The following MTOR variants were observed in gnomAD, a reference collection of about 807,000 sequenced individuals.
The protein encoded by MTOR is serine/threonine-protein kinase mTOR.
A neutral mutation model predicts 319.8 loss-of-function variants in MTOR; 70 were observed. The observed-to-expected ratio is 0.22, with a 90% CI of 0.18 to 0.27. The LOEUF is 0.27. Among genes scored for constraint, MTOR ranks in the 10% least tolerant of loss-of-function variants. The pLI is 1.00. For synonymous variants in MTOR, 1,183 were observed against 1,211.4 expected (o/e 0.98, Z 0.49); for missense variants, 1,890 against 3,274.4 (o/e 0.58, Z 10.32).
Position 11,233,043 on chromosome 1 carries a change from C to T in MTOR, c.2421+355G>A, listed in dbSNP as rs143606568. On this transcript the variant is annotated intron_variant, in intron 15 of 57. Transcript: ENST00000361445. ...AAATCGTCCCATTCCCCAGTGGATT[C>T]GGATGAAAACTGGTAATAAAACCAG... 3.9e-4 allele frequency: 395 copies of T among 1,007,632 alleles called. 2 individuals carry two copies. The African/African-American group carries it at 5.5e-3, about 14-fold the overall frequency. The allele number at this position is 1,007,632 out of a possible 1,614,324, so 62.4% of individuals were successfully genotyped here.
At chr1:11,114,785 A>G (rs1570908471) in intron 52 of MTOR, 28 bp downstream of exon 52, 2 of 1,606,472 alleles carry the variant, frequency 1.2e-6, no homozygotes. Context: ...TCCCATTTGG[A>G]AGCAGCTCGT....
chr1:11,221,260 G>T (rs1232837311), intron 19 of MTOR, among the ~76,000 whole-genome samples: 2 of 152,094 alleles, frequency 1.3e-5, no homozygotes, highest in Non-Finnish European at 2.9e-5. Context: ...CTCCCAAAGT[G>T]TTGGGGTTAC....
In MTOR at chr1:11,139,609, G is replaced by A. The variant is rs772556623; in HGVS notation, c.4922C>T (p.Ser1641Phe). Reference protein sequence around the residue: ...EDWQKILMVRSLVVSPHEDMR... With the variant: ...EDWQKILMVRFLVVSPHEDMR... ...GTCTTCATGAGGGCTGACCACAAGG[G>A]ACCGCACCATAAGGATTTTCTGCCA... The change falls in exon 35 of 58, where the codon TCC (serine) becomes TTC (phenylalanine). Residue 1641 changes from serine (S) to phenylalanine (F), a missense_variant. This residue lies in a region of MTOR where 276 missense variants were observed against 459.4 expected (regional missense o/e 0.60). Transcript: ENST00000361445. 4.5e-5 allele frequency: 72 copies of A among 1,614,052 alleles called. No individual in the cohort carries two copies. The highest frequency in any genetic ancestry group is 5.6e-5 in the Non-Finnish European group (66 of 1,180,048).
chr1:11,238,567 T>C lies in MTOR; in HGVS notation c.1837A>G (p.Ser613Gly), dbSNP rs1215652363. ...VRHCADHFLN[S>G]EHKEIRMEAA... ...TCCATGCGGATCTCCTTGTGCTCAC[T>C]GTTCAGGAAATGATCCGCACAGTGG... is the stretch of plus-strand genomic sequence containing the variant. The change falls in exon 12 of 58, where the codon AGT becomes GGT. Residue 613 changes from serine (S) to glycine (G), a missense_variant. Coordinates refer to ENST00000361445, the MANE Select transcript of MTOR (RefSeq NM_004958.4). The C allele has an allele frequency of 2.5e-6, 4 of 1,614,202 alleles. No homozygotes were observed. Among genetic ancestry groups the C allele is most frequent in the Non-Finnish European group, 3.4e-6 (4 of 1,180,026 alleles).
chr1:11,149,134 C>T (rs1644048120), intron 31 of MTOR: 1 of 152,124 alleles, frequency 6.6e-6, no homozygotes, highest in Non-Finnish European at 1.5e-5. Context: ...ACCCTAGTAC[C>T]CTGCTGAATG....
chr1:11,223,317 G>A (rs1411129417), intron 19 of MTOR, among the ~76,000 whole-genome samples: 1 of 112,390 alleles, frequency 8.9e-6, no homozygotes, highest in African/African-American at 2.5e-5. Flanking sequence ...AGGGACATCT[G>A]AAGAAGGGTT....
intron 54 of MTOR, among the ~76,000 whole-genome samples, chr1:11,112,180 C>T (rs1478766285): frequency 6.6e-6 from 1 of 152,130 alleles, no homozygotes; most frequent in African/African-American, 2.4e-5. Context: ...CCATGTGGTT[C>T]CAGGGTTCCT....
At chr1:11,174,741 T>C (rs1158772313) in intron 28 of MTOR, among the ~76,000 whole-genome samples, 1 of 152,198 alleles carries the variant, frequency 6.6e-6, no homozygotes, top group African/African-American at 2.4e-5. Flanking sequence ...CGAGGAACTC[T>C]TGTTTTACGG....
At chr1:11,219,982 G>A (rs72856947) in intron 19 of MTOR, among the ~76,000 whole-genome samples, 8,539 of 143,622 alleles carry the variant, frequency 0.059, 358 homozygotes, top group South Asian at 0.12. Context: ...GCAGTTAACC[G>A]AGATCGTACC....
rs201449332 is a variant in MTOR at position 11,172,046 on chromosome 1, A to G, written c.4254-4529T>C. Among the ~76,000 whole-genome samples, 140 of 151,576 alleles carry G rather than the reference A, an allele frequency of 9.2e-4. 1 individual carries two copies. The highest frequency in any genetic ancestry group is 3.3e-3 in the East Asian group (17 of 5,166). ...ACTCCATCTCAAAAAAAAAAAAAAAAAGAGAGAGGGAGAGTCCTATGACTT... is the reference window on the plus strand; with the variant it reads ...ACTCCATCTCAAAAAAAAAAAAAAAGAGAGAGAGGGAGAGTCCTATGACTT... On this transcript the variant is annotated intron_variant, in intron 28 of 57. Transcript: ENST00000361445.
intron 29 of MTOR, among the ~76,000 whole-genome samples, chr1:11,166,233 A>T (rs2100604891): frequency 6.6e-6 from 1 of 152,372 alleles, no homozygotes. Flanking sequence ...AACAAAAGCC[A>T]AAATTGACAA....
intron 54 of MTOR, chr1:11,111,390 A>C (rs1641862012): frequency 4.2e-6 from 1 of 240,654 alleles, no homozygotes; most frequent in African/African-American, 2.4e-5. Context: ...CTGAGGCAGG[A>C]GAATTGCTTG....
chr1:11,178,778 C>A (rs543763293), intron 28 of MTOR, among the ~76,000 whole-genome samples: 1 of 152,278 alleles, frequency 6.6e-6, no homozygotes, highest in African/African-American at 2.4e-5. Flanking sequence ...TCTCTTGACT[C>A]AAAACTGAGG....
intron 28 of MTOR, among the ~76,000 whole-genome samples, chr1:11,186,285 AG>A (rs1359030445): frequency 1.3e-5 from 2 of 152,082 alleles, no homozygotes; most frequent in Non-Finnish European, 2.9e-5. Flanking sequence ...GGCATTTTCA[AG>A]CAAATGGGAT....
chr1:11,189,555 C>A (rs746666561), intron 28 of MTOR: 64 of 1,564,598 alleles, frequency 4.1e-5, no homozygotes, highest in Middle Eastern at 1.7e-4. Context: ...GAAGGAAGAG[C>A]CTTCCTCACC....
At chr1:11,112,959 T>G (rs1398543288) in intron 53 of MTOR, 42 bp from the exon 54 acceptor site, 1 of 1,588,236 alleles carries the variant, frequency 6.3e-7, no homozygotes, top group Non-Finnish European at 8.6e-7. Context: ...GCTTCAAATT[T>G]TGACTTGAAA....
intron 15 of MTOR, chr1:11,233,022 C>T (rs1434325312): frequency 8.2e-6 from 8 of 970,560 alleles, no homozygotes; most frequent in African/African-American, 3.3e-5. Flanking sequence ...AAAGTAAAAT[C>T]GTCCCATTCC....
chr1:11,164,488 A>T (rs953122722), intron 29 of MTOR, among the ~76,000 whole-genome samples: 9 of 152,206 alleles, frequency 5.9e-5, no homozygotes, highest in African/African-American at 2.2e-4. Context: ...TAAACTAGAA[A>T]ATCTAGAAGA....
intron 29 of MTOR, among the ~76,000 whole-genome samples, chr1:11,163,850 AC>A (rs752380202): frequency 9.9e-5 from 15 of 152,200 alleles, no homozygotes; most frequent in Admixed American, 2.0e-4. Flanking sequence ...TAAAATTGAC[AC>A]CCTAACATCA....
Sources: allele counts gnomAD v4.1 joint callset (sites outside exome capture counted in the v4.1 genomes callset), GRCh38; gene constraint gnomAD v4.1.1; regional missense constraint gnomAD v4.1.1; transcripts MANE v1.5; gene names NCBI Gene and HGNC (gene_info 2026-07-23, HGNC 2026-07-21).